The following CDKAL1 variants were observed in gnomAD, a reference collection of about 807,000 sequenced individuals.
CDKAL1 encodes CDKAL1 threonylcarbamoyladenosine tRNA methylthiotransferase, also known as threonylcarbamoyladenosine tRNA methylthiotransferase.
A neutral mutation model predicts 68.2 loss-of-function variants in CDKAL1; 32 were observed. The ratio of observed to expected loss-of-function variants is 0.47; its 90% CI spans 0.35 to 0.63. The LOEUF is 0.63. CDKAL1 is among the 30% of genes least tolerant of loss of function. The pLI is 0.00. For synonymous variants in CDKAL1, 234 were observed against 244.3 expected, an observed-to-expected ratio of 0.96 and a Z score of 0.39; for missense variants, 606 against 696.7, an observed-to-expected ratio of 0.87 and a Z score of 1.47.
intron 4 of CDKAL1, among the ~76,000 whole-genome samples, chr6:20,609,513 A>G (rs1011237149): frequency 2.7e-5 from 4 of 150,868 alleles, no homozygotes; most frequent in Admixed American, 6.6e-5. Flanking sequence ...CTCCTGCCTC[A>G]GCCTCCCGAG....
chr6:20,712,217 A>T lies in CDKAL1; in HGVS notation c.372-27302A>T, dbSNP rs564657120. On this transcript the variant is annotated intron_variant, in intron 5 of 15. Coordinates refer to ENST00000274695, the MANE Select transcript of CDKAL1 (RefSeq NM_017774.3). ...CCAAGAGAGAGTGGTAACAGAATAC[A>T]ACAGTCTGTGCTCGGGGCAGTATGC... Among the ~76,000 whole-genome samples, 13 of 152,336 alleles carry T rather than the reference A, an allele frequency of 8.5e-5. No homozygotes were observed. The South Asian group carries it at 2.7e-3, about 32-fold the overall frequency.
At chr6:20,991,834 AG>A (rs1318024199) in intron 10 of CDKAL1, among the ~76,000 whole-genome samples, 1 of 150,710 alleles carries the variant, frequency 6.6e-6, no homozygotes, top group Admixed American at 6.6e-5. Flanking sequence ...TGGGCAACAT[AG>A]CGAGACCCTG....
In CDKAL1 at chr6:21,231,233, A is replaced by C; in HGVS notation, c.*194A>C. On this transcript the variant is annotated 3_prime_UTR_variant, in exon 16 of 16. Transcript: ENST00000274695. The stretch of plus-strand genomic sequence containing the variant: ...GGGCCCATTGGTTATTTGACCTAAA[A>C]CCTAATCACCGCTACCATAGCACAT... 4.5e-6 allele frequency: 2 copies of C among 446,098 alleles called. No homozygotes were observed. Among genetic ancestry groups the C allele is most frequent in the South Asian group, 1.3e-4 (2 of 15,016 alleles). 27.6% of individuals were successfully genotyped at this position (446,098 alleles called of 1,614,324 possible). A position where few individuals can be genotyped will look rare whatever the true frequency, so the allele number is the denominator to read the frequency against.
chr6:20,721,759 G>T (rs1772383553), intron 5 of CDKAL1, among the ~76,000 whole-genome samples: 1 of 103,580 alleles, frequency 9.7e-6, no homozygotes, highest in African/African-American at 3.9e-5. Context: ...TTGAGACAGA[G>T]TCTTACTCTG....
intron 5 of CDKAL1, among the ~76,000 whole-genome samples, chr6:20,682,314 T>C (rs1009146440): frequency 6.6e-6 from 1 of 152,214 alleles, no homozygotes; most frequent in Non-Finnish European, 1.5e-5. Flanking sequence ...CCTCTTGCAG[T>C]CTTCCTTAAA....
At chr6:21,099,110 A>G (rs552789585) in intron 12 of CDKAL1, among the ~76,000 whole-genome samples, 14 of 152,304 alleles carry the variant, frequency 9.2e-5, no homozygotes, top group East Asian at 7.7e-4. Flanking sequence ...CCCTGTATCA[A>G]TTAGAATATC....
chr6:20,855,192 C>T (rs1759260040), intron 9 of CDKAL1, among the ~76,000 whole-genome samples: 1 of 152,006 alleles, frequency 6.6e-6, no homozygotes, highest in African/African-American at 2.4e-5. Flanking sequence ...CTGTAATCCC[C>T]AGCACTTTGG....
At chr6:20,573,380 T>C (rs994246446) in intron 4 of CDKAL1, among the ~76,000 whole-genome samples, 1 of 152,040 alleles carries the variant, frequency 6.6e-6, no homozygotes, top group South Asian at 2.1e-4. Context: ...CCTCAAGTTA[T>C]ATTTATTAGC....
chr6:20,971,957 A>G (rs1765623629), intron 10 of CDKAL1, among the ~76,000 whole-genome samples: 1 of 152,176 alleles, frequency 6.6e-6, no homozygotes, highest in African/African-American at 2.4e-5. Flanking sequence ...ATTATCTGAT[A>G]TTTGGTGTGA....
chr6:21,230,498 G>A (rs1455458299), intron 15 of CDKAL1, among the ~76,000 whole-genome samples: 1 of 152,140 alleles, frequency 6.6e-6, no homozygotes. Context: ...TTGCTGAGAA[G>A]ATATGGTTGC....
At chr6:20,653,854 G>A (rs575822732) in intron 5 of CDKAL1, among the ~76,000 whole-genome samples, 97 of 151,774 alleles carry the variant, frequency 6.4e-4, no homozygotes, top group African/African-American at 2.2e-3. Flanking sequence ...CTCGTGATCC[G>A]CCTGCCTCGG....
chr6:20,961,019 C>A (rs564399289), intron 10 of CDKAL1, among the ~76,000 whole-genome samples: 46 of 152,294 alleles, frequency 3.0e-4, no homozygotes, highest in African/African-American at 1.1e-3. Flanking sequence ...ACATTAAAAT[C>A]AGACAGTTTG....
chr6:20,758,693 T>C (rs778623942), intron 7 of CDKAL1, 50 bp downstream of exon 7: 1 of 1,369,636 alleles, frequency 7.3e-7, no homozygotes, highest in Non-Finnish European at 1.0e-6. Flanking sequence ...CTGAACTACA[T>C]AGTAGAAACA....
chr6:20,871,089 A>C (rs1198449256), intron 9 of CDKAL1, among the ~76,000 whole-genome samples: 2 of 152,330 alleles, frequency 1.3e-5, no homozygotes, highest in East Asian at 3.9e-4. Context: ...AGTAATGCTA[A>C]CTGATTGAGT....
intron 12 of CDKAL1, among the ~76,000 whole-genome samples, chr6:21,098,946 T>C (rs1057159605): frequency 2.6e-5 from 4 of 152,266 alleles, no homozygotes; most frequent in African/African-American, 9.6e-5. Context: ...CCCTGAGCAG[T>C]AGGGAGTCCT....
intron 8 of CDKAL1, among the ~76,000 whole-genome samples, chr6:20,835,685 T>A (rs1777909419): frequency 6.6e-6 from 1 of 152,082 alleles, no homozygotes; most frequent in African/African-American, 2.4e-5. Context: ...GTAGCTGGGA[T>A]TACAGGCGTG....
chr6:20,726,304 C>G lies in CDKAL1; in HGVS notation c.372-13215C>G, dbSNP rs569326080. The stretch of plus-strand genomic sequence containing the variant: ...GCTATGACCTGTGTGACCCTCCCCC[C>G]ACCTGTTCTCCATATATCCTACTTT... On this transcript the variant is annotated intron_variant, in intron 5 of 15. Transcript: ENST00000274695. Among the ~76,000 whole-genome samples the G allele has an allele frequency of 3.3e-5, 5 of 152,136 alleles. No homozygotes were observed. In the South Asian group the frequency reaches 8.3e-4, roughly 25 times the overall value.
intron 9 of CDKAL1, among the ~76,000 whole-genome samples, chr6:20,857,923 G>C (rs769179669): frequency 2.0e-5 from 3 of 152,090 alleles, no homozygotes; most frequent in Non-Finnish European, 4.4e-5. Context: ...GCAGTGGCGC[G>C]ATCTTGGCTC....
intron 10 of CDKAL1, among the ~76,000 whole-genome samples, chr6:20,969,506 T>C (rs7746754): frequency 0.91 from 138,806 of 152,286 alleles, 63,390 homozygotes; most frequent in East Asian, 0.99. Flanking sequence ...TATAAGTGAA[T>C]GCACACAGTA....
Sources: gnomAD v4.1 joint callset for allele counts (sites outside exome capture counted in the v4.1 genomes callset) on GRCh38, gnomAD v4.1.1 for gene constraint, MANE v1.5 for transcripts, NCBI Gene and HGNC (gene_info 2026-07-23, HGNC 2026-07-21) for gene names.